The following EHMT1 variants were observed in gnomAD, a reference collection of about 807,000 sequenced individuals.
EHMT1 encodes the protein euchromatic histone lysine methyltransferase 1, also known as histone-lysine N-methyltransferase EHMT1.
EHMT1 carries 15 observed loss-of-function variants against 147.2 expected under a neutral mutation model. That is an observed-to-expected ratio of 0.10 (90% CI 0.07 to 0.16). EHMT1 has a LOEUF of 0.16. Ranked by LOEUF, EHMT1 falls within the 10% of genes least tolerant of loss-of-function variation. The pLI is 1.00. For missense variants in EHMT1, 1,587 were observed against 1,772.4 expected (o/e 0.90, Z 1.88); for synonymous variants, 795 against 709.6 (o/e 1.12, Z -1.91).
At chr9:137,717,625 A>G (rs1564631738) in intron 3 of EHMT1, among the ~76,000 whole-genome samples, 1 of 143,744 alleles carries the variant, frequency 7.0e-6, no homozygotes, top group Non-Finnish European at 1.5e-5. Context: ...AAAAAAAAAA[A>G]AGAGATGCTG....
chr9:137,799,823 T>G (rs565994826), intron 17 of EHMT1, among the ~76,000 whole-genome samples: 2 of 152,354 alleles, frequency 1.3e-5, no homozygotes, highest in East Asian at 3.9e-4. Context: ...ACTCTCGCCT[T>G]TGCCCTGAGC....
chr9:137,777,147 G>A lies in EHMT1; in HGVS notation c.2018+303G>A, dbSNP rs7029909. ...GGCACAGTCCTGTTGGTACACAAGC[G>A]ATAGACGAGTGGTGGCTGCTGCAGT... On this transcript the variant is annotated intron_variant, in intron 12 of 26. Coordinates refer to ENST00000460843, the MANE Select transcript of EHMT1 (RefSeq NM_024757.5). 8,907 of 387,696 alleles carry A rather than the reference G, an allele frequency of 0.023. 711 individuals are homozygous for A. The highest frequency in any genetic ancestry group is 0.17 in the African/African-American group (8,072 of 48,396). 24.0% of individuals were successfully genotyped at this position (387,696 alleles called of 1,614,324 possible).
chr9:137,804,275 A>G (rs923983545), intron 18 of EHMT1, among the ~76,000 whole-genome samples: 2 of 152,190 alleles, frequency 1.3e-5, no homozygotes, highest in African/African-American at 4.8e-5. Flanking sequence ...CATCCTTCCC[A>G]ACACTTAGCA....
intron 25 of EHMT1, among the ~76,000 whole-genome samples, chr9:137,831,599 C>G (rs746372110): frequency 3.5e-4 from 53 of 152,374 alleles, no homozygotes; most frequent in Non-Finnish European, 5.7e-4. Flanking sequence ...TCTCATTTCT[C>G]TGATATTTTC....
chr9:137,726,236 TC>T (rs756599087), intron 3 of EHMT1, among the ~76,000 whole-genome samples: 4 of 152,248 alleles, frequency 2.6e-5, no homozygotes, highest in Non-Finnish European at 5.9e-5. Flanking sequence ...CTCTTCATCT[TC>T]CCACACTGAA....
chr9:137,634,868 A>ATTTTTTTTTT (rs781056803), intron 1 of EHMT1, among the ~76,000 whole-genome samples: 413 of 92,096 alleles, frequency 4.5e-3, no homozygotes, highest in African/African-American at 7.7e-3. Context: ...TGCCCAGCTA[A>ATTTTTTTTTT]TTTTTTTTTT....
chr9:137,665,270 G>A (rs1939508791), intron 1 of EHMT1, among the ~76,000 whole-genome samples: 1 of 152,186 alleles, frequency 6.6e-6, no homozygotes, highest in Non-Finnish European at 1.5e-5. Flanking sequence ...TGATTGGAGA[G>A]CTGGCATAGG....
chr9:137,798,113 G>A (rs757024076), intron 16 of EHMT1, among the ~76,000 whole-genome samples: 2 of 152,238 alleles, frequency 1.3e-5, no homozygotes, highest in Non-Finnish European at 2.9e-5. Context: ...GGTGGCTCAT[G>A]CCTGTAATCC....
At chr9:137,695,376 G>A (rs1943317321) in intron 1 of EHMT1, among the ~76,000 whole-genome samples, 2 of 152,184 alleles carry the variant, frequency 1.3e-5, no homozygotes, top group African/African-American at 4.8e-5. Flanking sequence ...CCTGGAGCTG[G>A]GGTTTGCTCT....
At chr9:137,820,611 G>A (rs954950274) in intron 25 of EHMT1, among the ~76,000 whole-genome samples, 2 of 152,092 alleles carry the variant, frequency 1.3e-5, no homozygotes, top group South Asian at 2.1e-4. Context: ...TTGCTTTCAC[G>A]TGGCTTCCAT....
At chr9:137,624,016 T>A (rs1177271616) in intron 1 of EHMT1, among the ~76,000 whole-genome samples, 1 of 150,722 alleles carries the variant, frequency 6.6e-6, no homozygotes, top group Non-Finnish European at 1.5e-5. Flanking sequence ...TTTTTTTTTT[T>A]TGAGATGGAG....
chr9:137,798,377 G>A (rs1953139817), intron 16 of EHMT1, among the ~76,000 whole-genome samples: 1 of 152,036 alleles, frequency 6.6e-6, no homozygotes, highest in Admixed American at 6.5e-5. Context: ...ACTCCAGCCT[G>A]GGCGATACAG....
At chr9:137,639,244 GTATTA>G (rs1157034799) in intron 1 of EHMT1, among the ~76,000 whole-genome samples, 1 of 151,644 alleles carries the variant, frequency 6.6e-6, no homozygotes, top group Non-Finnish European at 1.5e-5. Flanking sequence ...AAAAAATCCC[GTATTA>G]TATTCTGTCC....
intron 13 of EHMT1, among the ~76,000 whole-genome samples, chr9:137,778,481 C>G (rs1270205089): frequency 6.6e-6 from 1 of 152,144 alleles, no homozygotes; most frequent in Non-Finnish European, 1.5e-5. Context: ...CCCTCCTCGT[C>G]CTCCTCTCAG....
In EHMT1 at chr9:137,835,615, C is replaced by G. The variant is rs1261360465; in HGVS notation, c.*662C>G. ...GTGGCTTGGTGGGTGCAGCCCCCGC[C>G]GGTTCCGTTGACGCTGGCACCTTCT... On this transcript the variant is annotated 3_prime_UTR_variant, in exon 27 of 27. Coordinates refer to ENST00000460843, the MANE Select transcript of EHMT1 (RefSeq NM_024757.5). The G allele has an allele frequency of 1.3e-5, 2 of 152,680 alleles. No homozygotes were observed. The highest frequency in any genetic ancestry group is 2.4e-5 in the African/African-American group (1 of 41,470). The allele number at this position is 152,680 out of a possible 1,614,324, so 9.5% of individuals were successfully genotyped here. A position where few individuals can be genotyped will look rare whatever the true frequency, so the allele number is the denominator to read the frequency against.
rs117414275 is a variant in EHMT1 at position 137,727,823 on chromosome 9, A to G, written c.643-526A>G. The stretch of plus-strand genomic sequence containing the variant: ...ATTTAGGAGATCACTGAGACTGAGT[A>G]AAATACCATTTTAACACACAACATA... On this transcript the variant is annotated intron_variant, in intron 3 of 26. Transcript: ENST00000460843. Among the ~76,000 whole-genome samples the G allele has an allele frequency of 5.8e-4, 89 of 152,372 alleles. 1 individual carries two copies. The East Asian group carries it at 0.016, about 28-fold the overall frequency.
Position 137,743,452 on chromosome 9 carries a change from A to G in EHMT1, c.905A>G (p.Lys302Arg), listed in dbSNP as rs565065320. Residue 302 changes from lysine to arginine, a missense_variant, in exon 5 of 27, where the codon AAA becomes AGA. Around this residue, in one of 7 missense-constraint regions of EHMT1, gnomAD observed 810 missense variants for 673.0 expected, o/e 1.20. Transcript: ENST00000460843. ...RMGTYSLVPKKKTKVLKQRTV... is the reference protein window; with the variant it reads ...RMGTYSLVPKRKTKVLKQRTV... ...GGAACCTATAGCCTGGTTCCTAAGA[A>G]AAAGACCAAAGTATTAAAACAGAGG... The G allele has an allele frequency of 1.6e-4, 263 of 1,614,072 alleles. 2 individuals are homozygous for G. In the Middle Eastern group the frequency reaches 4.3e-3, roughly 26 times the overall value.
rs1564845598 is a variant in EHMT1, at chr9:137,834,381, C to T, written c.3573C>T (p.Phe1191=). 6.2e-7 allele frequency: 1 copy of T among 1,613,232 alleles called. No individual in the cohort carries two copies. The highest frequency in any genetic ancestry group is 1.1e-5 in the South Asian group (1 of 91,086). The change falls in exon 26 of 27, where the codon TTC becomes TTT. Residue 1191 remains phenylalanine (F), a synonymous_variant. Coordinates refer to ENST00000460843, the MANE Select transcript of EHMT1 (RefSeq NM_024757.5). The part of the protein sequence containing the change: ...DGEVYCIDAR[F]YGNVSRFINH... ...AGGTTTACTGCATCGACGCGCGGTTCTACGGGAACGTCAGCCGGTTCATCA... is the reference window on the plus strand; with the variant it reads ...AGGTTTACTGCATCGACGCGCGGTTTTACGGGAACGTCAGCCGGTTCATCA...
chr9:137,713,956 TAAAA>T (rs1002652038), intron 2 of EHMT1, among the ~76,000 whole-genome samples: 5 of 151,952 alleles, frequency 3.3e-5, no homozygotes, highest in Non-Finnish European at 5.9e-5. Context: ...TCTCAAAAAA[TAAAA>T]AAAGTTAAAA....
Sources: allele counts gnomAD v4.1 joint callset (sites outside exome capture counted in the v4.1 genomes callset), GRCh38; gene constraint gnomAD v4.1.1; regional missense constraint gnomAD v4.1.1; transcripts MANE v1.5; gene names NCBI Gene and HGNC (gene_info 2026-07-23, HGNC 2026-07-21).